Variants in MARCHF1 observed in about 807,000 individuals in gnomAD.
MARCHF1 encodes membrane associated ring-CH-type finger 1.
In MARCHF1, 40 loss-of-function variants were observed where a neutral mutation model predicts 54.2. That is an observed-to-expected ratio of 0.74 (90% CI 0.57 to 0.96). The LOEUF is 0.96. Ranked by LOEUF, MARCHF1 falls within the 40% of genes least tolerant of loss-of-function variation. The probability of loss-of-function intolerance (pLI) is 0.00; values close to 1 mark genes in which losing one functional copy is unlikely to be tolerated. For missense variants in MARCHF1, 586 were observed against 656.5 expected, an observed-to-expected ratio of 0.89 and a Z score of 1.17; for synonymous variants, 236 against 236.3, an observed-to-expected ratio of 1.00 and a Z score of 0.01.
At chr4:163,786,685 G>T (rs533971501) in intron 4 of MARCHF1, among the ~76,000 whole-genome samples, 1 of 152,010 alleles carries the variant, frequency 6.6e-6, no homozygotes, top group East Asian at 1.9e-4. Flanking sequence ...CAGATTCAAT[G>T]CAATCCCGAT....
rs543358856 is a variant in MARCHF1, at chr4:163,914,992, AG to A, written c.-38-60824del. Among the ~76,000 whole-genome samples the A allele has an allele frequency of 5.0e-3, 763 of 152,302 alleles. 10 individuals are homozygous for A. Among genetic ancestry groups the A allele is most frequent in the African/African-American group, 0.018 (740 of 41,580 alleles). On this transcript the variant is annotated intron_variant, in intron 3 of 9. Coordinates refer to ENST00000514618, the MANE Select transcript of MARCHF1 (RefSeq NM_001394959.1). The stretch of plus-strand genomic sequence containing the variant: ...CCAAAATAAGGCTGGAGAAATAGGC[AG>A]GGGACAGATCCCTGCAGGGCACTGC...
At chr4:163,742,644 AT>A (rs1241382518) in intron 4 of MARCHF1, among the ~76,000 whole-genome samples, 1 of 130,052 alleles carries the variant, frequency 7.7e-6, no homozygotes, top group Admixed American at 7.6e-5. Flanking sequence ...GCCTGCCTAA[AT>A]TTTTTTATTT....
intron 2 of MARCHF1, among the ~76,000 whole-genome samples, chr4:163,989,358 T>C (rs1472418359): frequency 1.3e-5 from 2 of 152,092 alleles, no homozygotes; most frequent in Non-Finnish European, 2.9e-5. Flanking sequence ...TTTTTCTGGA[T>C]GGTTGTAAAG....
intron 4 of MARCHF1, among the ~76,000 whole-genome samples, chr4:163,708,326 T>C (rs556346906): frequency 5.3e-5 from 8 of 152,174 alleles, no homozygotes; most frequent in Admixed American, 5.2e-4. Context: ...CTTTGTAACA[T>C]CTTTGTGTCC....
At chr4:163,665,955 C>T (rs1021418532) in intron 5 of MARCHF1, among the ~76,000 whole-genome samples, 1 of 152,166 alleles carries the variant, frequency 6.6e-6, no homozygotes, top group African/African-American at 2.4e-5. Flanking sequence ...ATGGGTAACA[C>T]TTCTACGCCC....
chr4:164,312,890 T>C (rs1734899319), intron 1 of MARCHF1, among the ~76,000 whole-genome samples: 2 of 152,168 alleles, frequency 1.3e-5, no homozygotes, highest in Admixed American at 1.3e-4. Context: ...GCACTACCAA[T>C]CCACAAACTT....
chr4:164,018,920 A>C (rs1753603652), intron 2 of MARCHF1, among the ~76,000 whole-genome samples: 1 of 152,184 alleles, frequency 6.6e-6, no homozygotes. Context: ...TACCTTTAAA[A>C]TCCGTAATCC....
intron 5 of MARCHF1, among the ~76,000 whole-genome samples, chr4:163,637,079 T>C (rs1227755205): frequency 6.0e-5 from 9 of 151,082 alleles, no homozygotes; most frequent in African/African-American, 1.9e-4. Context: ...TCCTTACACC[T>C]TATACAAAAA....
At chr4:164,125,964 T>C (rs563867924) in intron 1 of MARCHF1, among the ~76,000 whole-genome samples, 1 of 152,342 alleles carries the variant, frequency 6.6e-6, no homozygotes, top group Admixed American at 6.5e-5. Context: ...TGGTCCCTGG[T>C]GTCAAAAAGT....
At chr4:164,211,338 T>C (rs1306651949) in intron 1 of MARCHF1, among the ~76,000 whole-genome samples, 10 of 114,428 alleles carry the variant, frequency 8.7e-5, no homozygotes, top group Non-Finnish European at 1.3e-4. Flanking sequence ...TATGTATATA[T>C]ATATATATAT....
intron 4 of MARCHF1, among the ~76,000 whole-genome samples, chr4:163,742,216 G>A (rs1317669559): frequency 2.6e-5 from 4 of 152,052 alleles, no homozygotes; most frequent in African/African-American, 9.7e-5. Flanking sequence ...CATCGATTGT[G>A]CTCACTTTCT....
At chr4:164,138,876 GA>G (rs1457342329) in intron 1 of MARCHF1, among the ~76,000 whole-genome samples, 1 of 151,548 alleles carries the variant, frequency 6.6e-6, no homozygotes, top group African/African-American at 2.4e-5. Flanking sequence ...ATTTGATTTT[GA>G]AAAAAAAGTA....
intron 1 of MARCHF1, among the ~76,000 whole-genome samples, chr4:164,311,661 A>G (rs1319318390): frequency 6.6e-6 from 1 of 152,134 alleles, no homozygotes; most frequent in Non-Finnish European, 1.5e-5. Flanking sequence ...TTTTTGTTTG[A>G]ACATTTTTTC....
At chr4:164,174,443 G>A (rs1040344222) in intron 1 of MARCHF1, among the ~76,000 whole-genome samples, 3 of 152,084 alleles carry the variant, frequency 2.0e-5, no homozygotes, top group African/African-American at 7.2e-5. Context: ...TGTGTCATTC[G>A]GCATTAGAAA....
At chr4:164,019,587 T>C (rs1187274552) in intron 2 of MARCHF1, among the ~76,000 whole-genome samples, 1 of 152,178 alleles carries the variant, frequency 6.6e-6, no homozygotes, top group Non-Finnish European at 1.5e-5. Context: ...AATTACTGAT[T>C]GAGCACAAAG....
At chr4:163,596,503 G>A (rs1740775104) in intron 7 of MARCHF1, among the ~76,000 whole-genome samples, 2 of 129,232 alleles carry the variant, frequency 1.5e-5, no homozygotes, top group African/African-American at 6.0e-5. Context: ...TTGTACCACT[G>A]CACTCCAGCC....
At chr4:164,250,861 C>T (rs76736672) in intron 1 of MARCHF1, among the ~76,000 whole-genome samples, 1,963 of 152,094 alleles carry the variant, frequency 0.013, 44 homozygotes, top group African/African-American at 0.043. Flanking sequence ...AATCTATCAA[C>T]GAGAAATATC....
intron 1 of MARCHF1, among the ~76,000 whole-genome samples, chr4:164,128,818 G>T (rs1756241229): frequency 6.6e-6 from 1 of 151,974 alleles, no homozygotes; most frequent in Non-Finnish European, 1.5e-5. Flanking sequence ...CATTCTACTG[G>T]GCACCAAAAG....
At chr4:164,122,829 TGAG>T (rs1756099160) in intron 1 of MARCHF1, among the ~76,000 whole-genome samples, 2 of 152,096 alleles carry the variant, frequency 1.3e-5, no homozygotes, top group Admixed American at 6.6e-5. Context: ...AGTATCGTAC[TGAG>T]TAGTGAAAAA....
Sources: gnomAD v4.1 joint callset for allele counts (sites outside exome capture counted in the v4.1 genomes callset) on GRCh38, gnomAD v4.1.1 for gene constraint, MANE v1.5 for transcripts, NCBI Gene and HGNC (gene_info 2026-07-23, HGNC 2026-07-21) for gene names.